The following CSNK2A1 variants were observed in gnomAD, a reference collection of about 807,000 sequenced individuals.
CSNK2A1 encodes the protein casein kinase 2 alpha 1.
CSNK2A1 carries 10 observed loss-of-function variants against 62.9 expected under a neutral mutation model. The observed-to-expected ratio is 0.16, with a 90% CI of 0.10 to 0.27. CSNK2A1 has a LOEUF of 0.27. Ranked by LOEUF, CSNK2A1 falls within the 10% of genes least tolerant of loss-of-function variation. The pLI is 1.00. For missense variants in CSNK2A1, 160 were observed against 492.0 expected (o/e 0.33, Z 6.38); for synonymous variants, 124 against 167.8 (o/e 0.74, Z 2.02).
At chr20:497,838 CCTCA>C (rs1341644125) in intron 6 of CSNK2A1, 58 bp from the exon 7 acceptor site, 3 of 1,497,298 alleles carry the variant, frequency 2.0e-6, no homozygotes, top group East Asian at 4.5e-5. Flanking sequence ...CATTTTTCAC[CCTCA>C]CTCACAGTAA....
rs1452420357 is a variant in CSNK2A1, at chr20:481,022, G to A, written c.*2939C>T. ...AGCTGGACAGGCATTTCAAGTACAA[G>A]AAACAGAATTCAAAACGTGAAAACG... On this transcript the variant is annotated 3_prime_UTR_variant, in exon 14 of 14. Transcript: ENST00000217244. 1 of 152,142 alleles carries A rather than the reference G, an allele frequency of 6.6e-6. No individual in the cohort carries two copies. The highest frequency in any genetic ancestry group is 1.5e-5 in the Non-Finnish European group (1 of 68,026). 9.4% of individuals were successfully genotyped at this position (152,142 alleles called of 1,614,324 possible).
chr20:491,958 C>T (rs2018244919), intron 9 of CSNK2A1, among the ~76,000 whole-genome samples: 1 of 152,102 alleles, frequency 6.6e-6, no homozygotes, highest in East Asian at 1.9e-4. Flanking sequence ...AAACAGCTTA[C>T]AATTCAAAAC....
intron 1 of CSNK2A1, among the ~76,000 whole-genome samples, chr20:533,540 T>C (rs1342606619): frequency 2.0e-5 from 3 of 152,010 alleles, no homozygotes; most frequent in African/African-American, 4.8e-5. Flanking sequence ...GAGGCAGAGG[T>C]TGCAATGAGC....
intron 2 of CSNK2A1, among the ~76,000 whole-genome samples, chr20:517,249 A>G (rs1188533647): frequency 6.6e-6 from 1 of 152,258 alleles, no homozygotes; most frequent in Non-Finnish European, 1.5e-5. Context: ...ACAAAAAAGC[A>G]CAAGTAGCTA....
rs1453631114 is a variant in CSNK2A1, at chr20:501,876, G to A, written c.214-1942C>T. ...GATTCACTAAATCAAAATCTTGAGAGGGAAACGGGGGATTTATTTTTAGAT... is the reference window on the plus strand; with the variant it reads ...GATTCACTAAATCAAAATCTTGAGAAGGAAACGGGGGATTTATTTTTAGAT... On this transcript the variant is annotated intron_variant, in intron 4 of 13. Coordinates refer to ENST00000217244, the MANE Select transcript of CSNK2A1 (RefSeq NM_177559.3). The A allele has an allele frequency of 2.6e-5, 4 of 152,032 alleles. No individual in the cohort carries two copies. The East Asian group carries it at 7.7e-4, about 29-fold the overall frequency. 9.4% of individuals were successfully genotyped at this position (152,032 alleles called of 1,614,324 possible).
rs752303727 is a variant in CSNK2A1 at position 474,696 on chromosome 20, C to T, written c.*9265G>A. 1 of 152,096 alleles carries T rather than the reference C, an allele frequency of 6.6e-6. No individual in the cohort carries two copies. The highest frequency in any genetic ancestry group is 1.5e-5 in the Non-Finnish European group (1 of 68,030). The allele number at this position is 152,096 out of a possible 1,614,324, so 9.4% of individuals were successfully genotyped here. A position where few individuals can be genotyped will look rare whatever the true frequency, so the allele number is the denominator to read the frequency against. ...AATGATGAGAGTTTAGAGCTTAGAC[C>T]GCTTGTCCTGTTACCAACACCACCA... On this transcript the variant is annotated 3_prime_UTR_variant, in exon 14 of 14. Transcript: ENST00000217244.
intron 1 of CSNK2A1, among the ~76,000 whole-genome samples, chr20:530,783 T>C (rs916025311): frequency 3.3e-5 from 5 of 152,136 alleles, no homozygotes; most frequent in African/African-American, 1.2e-4. Flanking sequence ...CTTCACACTG[T>C]TTTTAAAAAG....
intron 2 of CSNK2A1, chr20:526,933 CA>C: frequency 6.9e-6 from 1 of 145,580 alleles, no homozygotes; most frequent in Non-Finnish European, 1.5e-5. Flanking sequence ...AGCCTGGCGA[CA>C]GTGAGACTCT....
chr20:524,006 T>C (rs1194325495), intron 2 of CSNK2A1, among the ~76,000 whole-genome samples: 1 of 152,030 alleles, frequency 6.6e-6, no homozygotes, highest in Non-Finnish European at 1.5e-5. Context: ...TGGTAGTTAC[T>C]TGAATCTATG....
At chr20:533,864 C>T (rs535314748) in intron 1 of CSNK2A1, among the ~76,000 whole-genome samples, 11 of 152,274 alleles carry the variant, frequency 7.2e-5, no homozygotes, top group African/African-American at 2.6e-4. Flanking sequence ...AATAGTTCTA[C>T]CCCAAACACC....
intron 1 of CSNK2A1, among the ~76,000 whole-genome samples, chr20:534,957 C>A (rs1299580892): frequency 6.8e-6 from 1 of 146,674 alleles, no homozygotes; most frequent in African/African-American, 2.6e-5. Flanking sequence ...TTGCTTGAAC[C>A]CGGGAGGTGG....
At chr20:531,351 G>A (rs762607760) in intron 1 of CSNK2A1, among the ~76,000 whole-genome samples, 4 of 152,086 alleles carry the variant, frequency 2.6e-5, no homozygotes, top group African/African-American at 9.7e-5. Context: ...GATACCACAC[G>A]TAAACCTGGA....
intron 2 of CSNK2A1, chr20:527,016 AGAGAGAG>A (rs1448571889): frequency 4.7e-5 from 7 of 149,768 alleles, no homozygotes; most frequent in Non-Finnish European, 1.0e-4. Context: ...AGAGAGAGAG[AGAGAGAG>A]AGAGAGAGAG....
intron 1 of CSNK2A1, among the ~76,000 whole-genome samples, chr20:537,580 C>T (rs1289795779): frequency 6.6e-6 from 1 of 152,146 alleles, no homozygotes; most frequent in African/African-American, 2.4e-5. Context: ...TCCTTTGTTA[C>T]AATGACAGCA....
At chr20:524,413 C>A (rs868655585) in intron 2 of CSNK2A1, among the ~76,000 whole-genome samples, 59 of 135,568 alleles carry the variant, frequency 4.4e-4, no homozygotes, top group African/African-American at 1.6e-3. Context: ...CAGAGGGAGG[C>A]TCCTTCTCAA....
chr20:513,623 C>G (rs2018768892), intron 2 of CSNK2A1, among the ~76,000 whole-genome samples: 1 of 152,168 alleles, frequency 6.6e-6, no homozygotes, highest in Non-Finnish European at 1.5e-5. Context: ...TGGAGAATAG[C>G]CAACTCCTAT....
chr20:476,187 C>T lies in CSNK2A1; in HGVS notation c.*7774G>A, dbSNP rs2017845423. On this transcript the variant is annotated 3_prime_UTR_variant, in exon 14 of 14. Transcript: ENST00000217244. Reference sequence around the variant, plus strand: ...AGGCTGGGCCTCTCCCTCGCCAGTTCAGGCAGCCCCTCCTCTGAGGCCTCA... The same window carrying T: ...AGGCTGGGCCTCTCCCTCGCCAGTTTAGGCAGCCCCTCCTCTGAGGCCTCA... 1.3e-5 allele frequency: 2 copies of T among 152,340 alleles called. No homozygotes were observed. The highest frequency in any genetic ancestry group is 6.5e-5 in the Admixed American group (1 of 15,284). The allele number at this position is 152,340 out of a possible 1,614,324, so 9.4% of individuals were successfully genotyped here.
chr20:499,976 A>AAAAAAT lies in CSNK2A1; in HGVS notation c.214-43_214-42insATTTTT. On this transcript the variant is annotated intron_variant, in intron 4 of 13. Transcript: ENST00000217244. The surrounding 1 kb of genome is among the most constrained non-coding windows in gnomAD (Gnocchi z 4.2). ...ACATCAGCAAAAAAAAAAAAAAAAA[A>AAAAAAT]TTTTTTCAGAGTATTTCAACACGTA... 2.2e-6 allele frequency: 3 copies of AAAAAAT among 1,362,314 alleles called. No individual in the cohort carries two copies. Among genetic ancestry groups the AAAAAAT allele is most frequent in the African/African-American group, 3.2e-5 (2 of 61,542 alleles). The allele number at this position is 1,362,314 out of a possible 1,614,324, so 84.4% of individuals were successfully genotyped here.
Position 499,297 on chromosome 20 carries a change from G to T in CSNK2A1, c.324C>A (p.Thr108=). ...TTACGTGTTCAAAAACCAAGGCGGG[G>T]GTTCGTGACTAGGGGAAAAGAACAA... ...ADIVKDPVSR[T]PALVFEHVNN... The change falls in exon 6 of 14, where the codon ACC becomes ACA. Residue 108 remains threonine (T), a synonymous_variant. Transcript: ENST00000217244. This position sits in a 1 kb window ranked among gnomAD's most constrained non-coding sequence, Gnocchi z 4.2. 1 of 1,607,932 alleles carries T rather than the reference G, an allele frequency of 6.2e-7. No homozygotes were observed. Among genetic ancestry groups the T allele is most frequent in the East Asian group, 2.2e-5 (1 of 44,622 alleles).
Sources: allele counts gnomAD v4.1 joint callset (sites outside exome capture counted in the v4.1 genomes callset), GRCh38; gene constraint gnomAD v4.1.1; non-coding constraint Gnocchi (gnomAD v3.1); transcripts MANE v1.5; gene names NCBI Gene and HGNC (gene_info 2026-07-23, HGNC 2026-07-21).